Variants in UNC79 observed in about 807,000 individuals in gnomAD.
The protein encoded by UNC79 is protein unc-79 homolog.
Under a neutral mutation model 283.1 loss-of-function variants are expected in UNC79, and 37 were observed. The observed-to-expected ratio is 0.13, with a 90% CI of 0.10 to 0.17. The LOEUF (loss-of-function observed/expected upper bound fraction) is 0.17. Among genes scored for constraint, UNC79 ranks in the 10% least tolerant of loss-of-function variants. The pLI is 1.00. For synonymous variants in UNC79, 1,107 were observed against 1,200.2 expected, an observed-to-expected ratio of 0.92 and a Z score of 1.61; for missense variants, 2,272 against 3,211.1, an observed-to-expected ratio of 0.71 and a Z score of 7.07.
At chr14:93,687,786 T>C (rs925679787) in intron 43 of UNC79, among the ~76,000 whole-genome samples, 2 of 152,156 alleles carry the variant, frequency 1.3e-5, no homozygotes, top group African/African-American at 4.8e-5. Flanking sequence ...GACTTTGATG[T>C]ACAAAGAAGA....
intron 4 of UNC79, among the ~76,000 whole-genome samples, chr14:93,486,911 G>T (rs1390474498): frequency 1.3e-5 from 2 of 152,100 alleles, no homozygotes; most frequent in Non-Finnish European, 2.9e-5. Flanking sequence ...AAGCCAATTT[G>T]CTTTGTGATT....
At chr14:93,665,536 C>T (rs981562039) in intron 40 of UNC79, among the ~76,000 whole-genome samples, 2 of 151,402 alleles carry the variant, frequency 1.3e-5, no homozygotes, top group African/African-American at 4.8e-5. Flanking sequence ...CACAATGAGC[C>T]CTGAAAGTAT....
At chr14:93,443,614 AG>A (rs2140141726) in intron 1 of UNC79, among the ~76,000 whole-genome samples, 1 of 151,894 alleles carries the variant, frequency 6.6e-6, no homozygotes, top group East Asian at 1.9e-4. Context: ...TAGTAGAGAC[AG>A]GGTTTCACCA....
chr14:93,517,115 C>T (rs1213314766), intron 7 of UNC79, among the ~76,000 whole-genome samples: 1 of 151,408 alleles, frequency 6.6e-6, no homozygotes, highest in East Asian at 1.9e-4. Context: ...ATGCTCTCTG[C>T]AAATAATTTT....
At chr14:93,536,343 T>C (rs2061073066) in intron 11 of UNC79, among the ~76,000 whole-genome samples, 1 of 129,218 alleles carries the variant, frequency 7.7e-6, no homozygotes, top group Non-Finnish European at 1.8e-5. Flanking sequence ...ACTTGTTCCT[T>C]AGTTAGGTGC....
intron 14 of UNC79, among the ~76,000 whole-genome samples, chr14:93,560,125 G>A (rs72691092): frequency 1.2e-4 from 18 of 152,198 alleles, no homozygotes; most frequent in Non-Finnish European, 2.1e-4. Flanking sequence ...GAAACTAAAC[G>A]GAAGGTACAA....
At chr14:93,641,654 C>CAAAAAAAAAAAAAAA (rs1244969777) in intron 33 of UNC79, among the ~76,000 whole-genome samples, 1 of 152,002 alleles carries the variant, frequency 6.6e-6, no homozygotes, top group African/African-American at 2.4e-5. Flanking sequence ...GTCTCAAAAG[C>CAAAAAAAAAAAAAAA]AAAACAAAAC....
In UNC79 at chr14:93,474,501, A is replaced by G; in HGVS notation, c.448+108A>G. 3.8e-6 allele frequency: 5 copies of G among 1,301,078 alleles called. No homozygotes were observed. The highest frequency in any genetic ancestry group is 4.1e-6 in the Non-Finnish European group (4 of 968,632). The allele number at this position is 1,301,078 out of a possible 1,614,324, so 80.6% of individuals were successfully genotyped here. On this transcript the variant is annotated intron_variant, in intron 3 of 48. Coordinates refer to ENST00000555664, the Ensembl canonical transcript of UNC79. The surrounding 1 kb of genome is among the most constrained non-coding windows in gnomAD (Gnocchi z 4.1). ...TCACTGTTGTAATCAATCACCTGAA[A>G]GGGCTTTGTGTGGCTAGAAGCACTA...
At chr14:93,703,061 G>A (rs370354436) in intron 47 of UNC79, among the ~76,000 whole-genome samples, 24 of 152,194 alleles carry the variant, frequency 1.6e-4, no homozygotes, top group Admixed American at 1.6e-3. Flanking sequence ...TGGGCTAAGG[G>A]TGTGAAGGCC....
chr14:93,694,696 G>C (rs1199737298), intron 47 of UNC79, among the ~76,000 whole-genome samples: 1 of 152,072 alleles, frequency 6.6e-6, no homozygotes, highest in Non-Finnish European at 1.5e-5. Flanking sequence ...CAGGAGGATT[G>C]CTTGAGCCCA....
At chr14:93,623,400 C>A (rs1354203819) in intron 30 of UNC79, among the ~76,000 whole-genome samples, 1 of 152,190 alleles carries the variant, frequency 6.6e-6, no homozygotes, top group Non-Finnish European at 1.5e-5. Flanking sequence ...ACGGTCATCA[C>A]TTGGTGATGA....
At chr14:93,413,080 T>C (rs1043703636) in intron 1 of UNC79, among the ~76,000 whole-genome samples, 2 of 152,068 alleles carry the variant, frequency 1.3e-5, no homozygotes, top group Non-Finnish European at 2.9e-5. Context: ...ATGTGCACAA[T>C]GTGCAGGTTA....
intron 1 of UNC79, among the ~76,000 whole-genome samples, chr14:93,436,706 T>C (rs1282862275): frequency 6.6e-6 from 1 of 152,210 alleles, no homozygotes; most frequent in African/African-American, 2.4e-5. Flanking sequence ...AACATATATA[T>C]TGGCTTAGAA....
At chr14:93,618,317 C>T (rs147869412) in exon 29 of UNC79, 1 of 1,613,428 alleles carries the variant, frequency 6.2e-7, no homozygotes, top group Admixed American at 1.7e-5. Context: ...TGTACAGTGA[C>T]AACAGTAACA....
At chr14:93,686,800 T>A in intron 43 of UNC79, 139 bp downstream of exon 46, 1 of 882,538 alleles carries the variant, frequency 1.1e-6, no homozygotes, top group South Asian at 1.7e-5. Flanking sequence ...TCTTGGGGGA[T>A]CAAAGAGCCA....
In UNC79 at chr14:93,474,022, C is replaced by T. The variant is rs2140322078; in HGVS notation, c.144-67C>T. 6.9e-7 allele frequency: 1 copy of T among 1,446,418 alleles called. No homozygotes were observed. Among genetic ancestry groups the T allele is most frequent in the Non-Finnish European group, 9.1e-7 (1 of 1,099,894 alleles). 89.6% of individuals were successfully genotyped at this position (1,446,418 alleles called of 1,614,324 possible). A position where few individuals can be genotyped will look rare whatever the true frequency, so the allele number is the denominator to read the frequency against. On this transcript the variant is annotated intron_variant, in intron 2 of 48. Coordinates refer to ENST00000555664, the Ensembl canonical transcript of UNC79. This position sits in a 1 kb window ranked among gnomAD's most constrained non-coding sequence, Gnocchi z 4.1. ...TGTTTTATTATTTGTTTTAGAGTGT[C>T]ATTTCAATGTAATGTGCTGTTCTTT...
chr14:93,407,120 C>A (rs1261860740), intron 1 of UNC79, among the ~76,000 whole-genome samples: 1 of 152,066 alleles, frequency 6.6e-6, no homozygotes, highest in African/African-American at 2.4e-5. Context: ...TTATGGGGTG[C>A]CAGTTATTAG....
At chr14:93,347,647 G>A (rs959505564) in intron 1 of UNC79, among the ~76,000 whole-genome samples, 1 of 152,108 alleles carries the variant, frequency 6.6e-6, no homozygotes, top group African/African-American at 2.4e-5. Flanking sequence ...CGCGGGGATT[G>A]GGCCTCCTTC....
At chr14:93,397,125 T>TG (rs35129287) in intron 1 of UNC79, 88,982 of 151,896 alleles carry the variant, frequency 0.59, 26,440 homozygotes, top group Admixed American at 0.67. Flanking sequence ...TTTGTTTATT[T>TG]TTTATTTTAT....
Sources: allele counts gnomAD v4.1 joint callset (sites outside exome capture counted in the v4.1 genomes callset), GRCh38; gene constraint gnomAD v4.1.1; non-coding constraint Gnocchi (gnomAD v3.1); transcripts MANE v1.5; gene names NCBI Gene and HGNC (gene_info 2026-07-23, HGNC 2026-07-21).